Variants in ZNF804B observed in about 807,000 individuals in gnomAD.
ZNF804B encodes zinc finger 804B.
A neutral mutation model predicts 101.4 loss-of-function variants in ZNF804B; 80 were observed. That is an observed-to-expected ratio of 0.79 (90% confidence interval 0.66 to 0.95). ZNF804B has a LOEUF of 0.95. ZNF804B is among the 40% of genes least tolerant of loss of function. ZNF804B has a pLI of 0.00. For missense variants in ZNF804B, 1,673 were observed against 1,561.9 expected, an observed-to-expected ratio of 1.07 and a Z score of -1.20; for synonymous variants, 622 against 558.8, an observed-to-expected ratio of 1.11 and a Z score of -1.59.
intron 1 of ZNF804B, among the ~76,000 whole-genome samples, chr7:88,844,572 A>C (rs908710748): frequency 3.3e-5 from 5 of 152,182 alleles, no homozygotes; most frequent in Non-Finnish European, 7.4e-5. Flanking sequence ...ATTCTTCATA[A>C]GTGATTCTGT....
intron 2 of ZNF804B, among the ~76,000 whole-genome samples, chr7:89,312,851 G>A (rs1383431377): frequency 6.6e-6 from 1 of 151,752 alleles, no homozygotes; most frequent in Non-Finnish European, 1.5e-5. Flanking sequence ...CATGCAAAGA[G>A]GCAGAAAATA....
intron 1 of ZNF804B, among the ~76,000 whole-genome samples, chr7:88,839,169 C>T (rs1791260797): frequency 6.6e-6 from 1 of 151,806 alleles, no homozygotes; most frequent in South Asian, 2.1e-4. Flanking sequence ...TTATTTTTAC[C>T]TGCTATTTAG....
intron 1 of ZNF804B, among the ~76,000 whole-genome samples, chr7:88,888,281 A>G (rs1180228789): frequency 1.3e-5 from 2 of 152,202 alleles, no homozygotes; most frequent in South Asian, 2.1e-4. Context: ...AATCCTGGCT[A>G]CTTGGGAGGT....
chr7:89,053,726 TTC>T (rs1208633981), intron 1 of ZNF804B, among the ~76,000 whole-genome samples: 21 of 150,416 alleles, frequency 1.4e-4, no homozygotes, highest in Admixed American at 2.6e-4. Flanking sequence ...TGCTCTCTCT[TTC>T]TCTCTCTCTC....
At chr7:89,210,714 A>G (rs375710660) in intron 1 of ZNF804B, among the ~76,000 whole-genome samples, 16 of 152,290 alleles carry the variant, frequency 1.1e-4, no homozygotes, top group East Asian at 1.9e-4. Context: ...CATGGTGTCT[A>G]TGTACCACAT....
At chr7:89,008,042 T>C (rs2116186690) in intron 1 of ZNF804B, among the ~76,000 whole-genome samples, 1 of 152,254 alleles carries the variant, frequency 6.6e-6, no homozygotes, top group Admixed American at 6.5e-5. Flanking sequence ...CTTCTACTTT[T>C]ACATTAGTCT....
At chr7:88,793,282 G>C (rs1314832163) in intron 1 of ZNF804B, among the ~76,000 whole-genome samples, 1 of 152,078 alleles carries the variant, frequency 6.6e-6, no homozygotes, top group Non-Finnish European at 1.5e-5. Context: ...TATATAATTA[G>C]TTGCTTTCTA....
At chr7:88,923,749 C>G (rs1792756038) in intron 1 of ZNF804B, among the ~76,000 whole-genome samples, 2 of 151,960 alleles carry the variant, frequency 1.3e-5, no homozygotes, top group Admixed American at 6.6e-5. Context: ...ACACCTTATT[C>G]TATGCTAATA....
intron 1 of ZNF804B, among the ~76,000 whole-genome samples, chr7:88,864,565 A>ATGATAGAGAGGGAATT (rs1791697757): frequency 6.6e-6 from 1 of 152,194 alleles, no homozygotes; most frequent in Admixed American, 6.5e-5. Context: ...CACCAGAGGC[A>ATGATAGAGAGGGAATT]TGATAGAGAG....
intron 1 of ZNF804B, among the ~76,000 whole-genome samples, chr7:89,011,768 C>G (rs10230631): frequency 0.12 from 18,788 of 152,104 alleles, 1,722 homozygotes; most frequent in East Asian, 0.27. Context: ...GTACAGCCCC[C>G]CTCGCAGCTT....
chr7:89,235,876 T>C (rs1331187937), intron 2 of ZNF804B, among the ~76,000 whole-genome samples: 1 of 151,906 alleles, frequency 6.6e-6, no homozygotes, highest in Non-Finnish European at 1.5e-5. Context: ...AGGTAGTAAA[T>C]AAATGTGTAT....
chr7:89,244,467 G>A (rs1309897671), intron 2 of ZNF804B, among the ~76,000 whole-genome samples: 13 of 151,888 alleles, frequency 8.6e-5, no homozygotes, highest in Non-Finnish European at 1.3e-4. Flanking sequence ...ACCCTCTAAA[G>A]ATAACACTGA....
chr7:88,996,842 T>C (rs1788208340), intron 1 of ZNF804B, among the ~76,000 whole-genome samples: 1 of 152,002 alleles, frequency 6.6e-6, no homozygotes, highest in Admixed American at 6.6e-5. Context: ...AGTACAAAGA[T>C]GGTTGAAATT....
chr7:88,952,545 T>C (rs4727195), intron 1 of ZNF804B, among the ~76,000 whole-genome samples: 113,810 of 151,588 alleles, frequency 0.75, 42,902 homozygotes, highest in South Asian at 0.84. Flanking sequence ...ATTATAGTGA[T>C]GTAGTCAGGC....
At chr7:88,797,186 A>G (rs73393419) in intron 1 of ZNF804B, among the ~76,000 whole-genome samples, 2,840 of 152,146 alleles carry the variant, frequency 0.019, 88 homozygotes, top group African/African-American at 0.062. Flanking sequence ...TGTTTCATCC[A>G]AGTTATATAC....
At chr7:88,779,903 TG>T (rs1790197034) in intron 1 of ZNF804B, among the ~76,000 whole-genome samples, 1 of 152,154 alleles carries the variant, frequency 6.6e-6, no homozygotes, top group Admixed American at 6.5e-5. Flanking sequence ...AGCCCTAAGG[TG>T]CTACAGGGTC....
At chr7:89,201,015 C>T (rs572177007) in intron 1 of ZNF804B, among the ~76,000 whole-genome samples, 1 of 151,954 alleles carries the variant, frequency 6.6e-6, no homozygotes, top group Non-Finnish European at 1.5e-5. Flanking sequence ...GAGGCAGATT[C>T]TTATCTGAGC....
intron 1 of ZNF804B, among the ~76,000 whole-genome samples, chr7:88,978,666 T>C (rs6977385): frequency 0.18 from 27,540 of 151,684 alleles, 2,669 homozygotes; most frequent in Middle Eastern, 0.23. Flanking sequence ...TTTAGTCATC[T>C]ACTCTGTGTC....
chr7:89,086,987 TA>T (rs564858522), intron 1 of ZNF804B, among the ~76,000 whole-genome samples: 27 of 123,402 alleles, frequency 2.2e-4, no homozygotes, highest in Admixed American at 7.3e-4. Context: ...ATAATGATAA[TA>T]AAAAAAAATT....
Sources: allele counts gnomAD v4.1 joint callset (sites outside exome capture counted in the v4.1 genomes callset), GRCh38; gene constraint gnomAD v4.1.1; transcripts MANE v1.5; gene names NCBI Gene and HGNC (gene_info 2026-07-23, HGNC 2026-07-21).